The following SRGAP2 variants were observed in gnomAD, a reference collection of about 807,000 sequenced individuals.
SRGAP2 encodes the protein SLIT-ROBO Rho GTPase activating protein 2.
In SRGAP2, 15 loss-of-function variants were observed where a neutral mutation model predicts 57.2. That is an observed-to-expected ratio of 0.26 (90% CI 0.18 to 0.40). The LOEUF is 0.40. Ranked by LOEUF, SRGAP2 falls within the 10% of genes least tolerant of loss-of-function variation. The pLI is 1.00. For missense variants in SRGAP2, 520 were observed against 669.6 expected (o/e 0.78, Z 2.47); for synonymous variants, 249 against 248.0 (o/e 1.00, Z -0.04).
At chr1:206,276,486 G>C (rs1292616082) in intron 2 of SRGAP2, among the ~76,000 whole-genome samples, 1 of 143,596 alleles carries the variant, frequency 7.0e-6, no homozygotes, top group Non-Finnish European at 1.5e-5. Context: ...GTAGGGGGTG[G>C]AGTTGAGGAA....
chr1:206,364,552 C>T (rs1415245526), intron 4 of SRGAP2, among the ~76,000 whole-genome samples: 1 of 152,122 alleles, frequency 6.6e-6, no homozygotes, highest in East Asian at 1.9e-4. Context: ...CCACCCGCCT[C>T]GGCCTCCCAA....
At chr1:206,230,543 A>T (rs1263611061) in intron 2 of SRGAP2, among the ~76,000 whole-genome samples, 1 of 151,444 alleles carries the variant, frequency 6.6e-6, no homozygotes, top group Non-Finnish European at 1.5e-5. Flanking sequence ...ATGATTATGT[A>T]TGCCTACTAT....
chr1:206,354,367 G>T (rs1283640221), intron 4 of SRGAP2, among the ~76,000 whole-genome samples: 1 of 152,104 alleles, frequency 6.6e-6, no homozygotes, highest in South Asian at 2.1e-4. Flanking sequence ...TTTGCCCTTC[G>T]TCTTAGAAAA....
chr1:206,227,306 C>T (rs1302609887), intron 2 of SRGAP2, among the ~76,000 whole-genome samples: 1 of 152,170 alleles, frequency 6.6e-6, no homozygotes, highest in Non-Finnish European at 1.5e-5. Context: ...GAATGAAATT[C>T]TTTGCATTTT....
chr1:206,237,305 A>G (rs1422793945), intron 2 of SRGAP2, among the ~76,000 whole-genome samples: 1 of 152,168 alleles, frequency 6.6e-6, no homozygotes, highest in Non-Finnish European at 1.5e-5. Context: ...GGGGAAAAAA[A>G]AGTGAATGTA....
At chr1:206,258,298 G>A (rs1313575048) in intron 2 of SRGAP2, among the ~76,000 whole-genome samples, 2 of 151,754 alleles carry the variant, frequency 1.3e-5, no homozygotes, top group African/African-American at 4.9e-5. Context: ...GCAGAGTTGA[G>A]TAGTTTCAAC....
intron 2 of SRGAP2, among the ~76,000 whole-genome samples, chr1:206,237,418 C>T (rs1345119386): frequency 1.3e-5 from 2 of 152,192 alleles, no homozygotes; most frequent in Non-Finnish European, 2.9e-5. Context: ...ATACACTTAA[C>T]ATTTGATCTG....
chr1:206,391,643 G>GCA (rs1284798473), intron 5 of SRGAP2, among the ~76,000 whole-genome samples: 2 of 138,700 alleles, frequency 1.4e-5, no homozygotes, highest in South Asian at 2.2e-4. Context: ...ACACACACAT[G>GCA]CACACACACA....
intron 2 of SRGAP2, among the ~76,000 whole-genome samples, chr1:206,212,304 G>A (rs1465237252): frequency 2.2e-5 from 3 of 133,646 alleles, no homozygotes; most frequent in Non-Finnish European, 4.8e-5. Context: ...CTCAGCCTCC[G>A]AAGTAGCTGG....
At chr1:206,448,662 G>C (rs1042312205) in intron 18 of SRGAP2, among the ~76,000 whole-genome samples, 10 of 152,146 alleles carry the variant, frequency 6.6e-5, no homozygotes, top group African/African-American at 1.9e-4. Flanking sequence ...TCCATGGCTC[G>C]CTGAAGTTTA....
chr1:206,241,758 T>C (rs1553309239), intron 2 of SRGAP2, among the ~76,000 whole-genome samples: 2 of 150,216 alleles, frequency 1.3e-5, no homozygotes, highest in Non-Finnish European at 3.0e-5. Context: ...TTCTCGAACC[T>C]ATGTCAGAAT....
intron 3 of SRGAP2, among the ~76,000 whole-genome samples, chr1:206,322,709 T>G (rs1402900035): frequency 1.4e-5 from 2 of 146,834 alleles, no homozygotes; most frequent in East Asian, 4.0e-4. Context: ...GTTCAAAAGT[T>G]AGCTGACTAG....
intron 3 of SRGAP2, among the ~76,000 whole-genome samples, chr1:206,313,137 T>G (rs1363582064): frequency 1.4e-5 from 2 of 147,686 alleles, no homozygotes; most frequent in Non-Finnish European, 3.0e-5. Context: ...TTCTGCTATT[T>G]TATAACCCAC....
intron 2 of SRGAP2, among the ~76,000 whole-genome samples, chr1:206,220,312 A>G (rs1344652465): frequency 6.6e-6 from 1 of 151,992 alleles, no homozygotes; most frequent in Non-Finnish European, 1.5e-5. Flanking sequence ...AATTTGAAAA[A>G]TTATCCGATA....
In SRGAP2 at chr1:206,396,022, G is replaced by A. The variant is rs200055771; in HGVS notation, c.831+2349G>A. Among the ~76,000 whole-genome samples the A allele has an allele frequency of 4.5e-3, 635 of 141,604 alleles. 6 individuals are homozygous for A. The highest frequency in any genetic ancestry group is 0.016 in the African/African-American group (599 of 37,042). 92.9% of individuals were successfully genotyped at this position (141,604 alleles called of 152,430 possible). ...TTTTGAGAAGGAGTCTCTCTCTGTCGCCCAGGCTGGAGTACGGTGGTGCGA... is the reference window on the plus strand; with the variant it reads ...TTTTGAGAAGGAGTCTCTCTCTGTCACCCAGGCTGGAGTACGGTGGTGCGA... On this transcript the variant is annotated intron_variant, in intron 7 of 22. Transcript: ENST00000573034.
chr1:206,239,242 G>A (rs1393578601), intron 2 of SRGAP2, among the ~76,000 whole-genome samples: 1 of 147,790 alleles, frequency 6.8e-6, no homozygotes, highest in Non-Finnish European at 1.5e-5. Flanking sequence ...CAAAATGCCT[G>A]TGGGCTGGCA....
intron 4 of SRGAP2, among the ~76,000 whole-genome samples, chr1:206,355,207 T>G (rs1676343913): frequency 6.6e-6 from 1 of 152,200 alleles, no homozygotes; most frequent in South Asian, 2.1e-4. Flanking sequence ...TGAAACTGAT[T>G]TGTTGAAAAG....
chr1:206,241,066 C>T (rs1265765722), intron 2 of SRGAP2, among the ~76,000 whole-genome samples: 1 of 152,164 alleles, frequency 6.6e-6, no homozygotes, highest in Non-Finnish European at 1.5e-5. Context: ...CACCTGTGGT[C>T]CCAGCTACTT....
chr1:206,313,686 A>G (rs373336343), intron 3 of SRGAP2, among the ~76,000 whole-genome samples: 2 of 152,254 alleles, frequency 1.3e-5, no homozygotes, highest in South Asian at 2.1e-4. Flanking sequence ...TTAAATAGGT[A>G]TGAACTCTGA....
Sources: allele counts gnomAD v4.1 joint callset (sites outside exome capture counted in the v4.1 genomes callset), GRCh38; gene constraint gnomAD v4.1.1; transcripts MANE v1.5; gene names NCBI Gene and HGNC (gene_info 2026-07-23, HGNC 2026-07-21).